The following SOX6 variants were observed in gnomAD, a reference collection of about 807,000 sequenced individuals.
SOX6 encodes SRY-box transcription factor 6.
SOX6 carries 11 observed loss-of-function variants against 97.8 expected under a neutral mutation model. The ratio of observed to expected loss-of-function variants is 0.11; its 90% CI spans 0.07 to 0.19. SOX6 has a LOEUF of 0.19. Among genes scored for constraint, SOX6 ranks in the 10% least tolerant of loss-of-function variants. The pLI is 1.00. For missense variants in SOX6, 810 were observed against 1,039.5 expected, an observed-to-expected ratio of 0.78 and a Z score of 3.04; for synonymous variants, 360 against 371.4, an observed-to-expected ratio of 0.97 and a Z score of 0.35.
At chr11:16,571,573 A>C (rs778044185) in intron 4 of SOX6, among the ~76,000 whole-genome samples, 4 of 152,088 alleles carry the variant, frequency 2.6e-5, no homozygotes, top group Non-Finnish European at 4.4e-5. Context: ...TGAAACTACA[A>C]GCATGCAACA....
chr11:16,032,378 A>G (rs970446527), intron 12 of SOX6, among the ~76,000 whole-genome samples: 1 of 152,302 alleles, frequency 6.6e-6, no homozygotes, highest in African/African-American at 2.4e-5. Context: ...GTGAACATCA[A>G]ATGTGATTTT....
chr11:16,058,092 A>G (rs1847863812), intron 9 of SOX6, among the ~76,000 whole-genome samples: 1 of 152,030 alleles, frequency 6.6e-6, no homozygotes, highest in African/African-American at 2.4e-5. Flanking sequence ...TTTGATAAAT[A>G]TTAGATTTCC....
intron 3 of SOX6, among the ~76,000 whole-genome samples, chr11:16,662,800 C>T (rs1057230465): frequency 6.6e-6 from 1 of 152,054 alleles, no homozygotes; most frequent in Non-Finnish European, 1.5e-5. Context: ...TTCAAGTGAT[C>T]CTCTCACCTC....
chr11:16,094,343 G>T (rs1848751323), intron 9 of SOX6, among the ~76,000 whole-genome samples: 1 of 151,842 alleles, frequency 6.6e-6, no homozygotes, highest in Non-Finnish European at 1.5e-5. Flanking sequence ...AAGCCGATCT[G>T]AGTGAAAAAT....
intron 9 of SOX6, among the ~76,000 whole-genome samples, chr11:16,086,574 C>T (rs994370909): frequency 2.6e-5 from 4 of 152,146 alleles, no homozygotes; most frequent in African/African-American, 9.7e-5. Flanking sequence ...ACCTGCTGAA[C>T]ATGCTCAGAG....
upstream of SOX6, among the ~76,000 whole-genome samples, chr11:16,477,622 G>A (rs115507841): frequency 8.5e-3 from 1,294 of 152,272 alleles, 21 homozygotes; most frequent in African/African-American, 0.028. Context: ...AGGCTGAGGC[G>A]AGTGGATTGC....
chr11:16,067,713 A>C (rs963604986), intron 9 of SOX6, among the ~76,000 whole-genome samples: 2 of 152,140 alleles, frequency 1.3e-5, no homozygotes, highest in African/African-American at 4.8e-5. Context: ...GAGAGGATGG[A>C]TACCCCACAT....
At chr11:16,193,892 G>A (rs1851698644) in intron 4 of SOX6, among the ~76,000 whole-genome samples, 1 of 152,100 alleles carries the variant, frequency 6.6e-6, no homozygotes, top group Admixed American at 6.6e-5. Context: ...CAGATAACCT[G>A]GGAAAACTGC....
At chr11:16,540,279 G>C (rs1258799207) in intron 4 of SOX6, among the ~76,000 whole-genome samples, 1 of 152,102 alleles carries the variant, frequency 6.6e-6, no homozygotes, top group Non-Finnish European at 1.5e-5. Context: ...AGCCCTTCAT[G>C]CTAAAAACTC....
At position 16,249,427 on chromosome 11, in the gene SOX6, A is replaced by T. The variant is rs546565198; in HGVS notation, c.446-14756T>A. ...AAGTTCCTTATCTCCATCTGAGCCC[A>T]CTTCAGCCTGGACTTCATTGTCCAT... On this transcript the variant is annotated intron_variant, in intron 3 of 15. Coordinates refer to ENST00000683767, the MANE Select transcript of SOX6 (RefSeq NM_001367873.1). Among the ~76,000 whole-genome samples the T allele has an allele frequency of 3.3e-5, 5 of 152,262 alleles. No individual in the cohort carries two copies. The East Asian group carries it at 7.7e-4, about 24-fold the overall frequency.
intron 13 of SOX6, among the ~76,000 whole-genome samples, chr11:16,004,042 A>G (rs1281719048): frequency 6.6e-6 from 1 of 151,744 alleles, no homozygotes; most frequent in East Asian, 1.9e-4. Context: ...ACACACATAT[A>G]TATGTGTGTA....
At chr11:16,696,280 A>G (rs1848053133) in intron 3 of SOX6, among the ~76,000 whole-genome samples, 2 of 152,206 alleles carry the variant, frequency 1.3e-5, no homozygotes, top group African/African-American at 4.8e-5. Flanking sequence ...TTCTTCCGCT[A>G]ATTAAGTCAT....
intron 6 of SOX6, among the ~76,000 whole-genome samples, chr11:16,114,024 G>A (rs929341613): frequency 6.6e-6 from 1 of 152,128 alleles, no homozygotes; most frequent in Non-Finnish European, 1.5e-5. Context: ...TAAAGAGATG[G>A]TATATATCCT....
intron 6 of SOX6, among the ~76,000 whole-genome samples, chr11:16,169,556 C>G (rs536341377): frequency 9.1e-5 from 10 of 110,308 alleles, no homozygotes; most frequent in South Asian, 3.4e-4. Flanking sequence ...TAACCTCTTA[C>G]ATATACCCCT....
intron 1 of SOX6, among the ~76,000 whole-genome samples, chr11:16,342,076 C>A (rs1171538186): frequency 1.3e-5 from 2 of 151,932 alleles, no homozygotes; most frequent in African/African-American, 2.4e-5. Context: ...ATATTTAAAA[C>A]CTCCAAATAC....
intron 15 of SOX6, among the ~76,000 whole-genome samples, chr11:15,977,985 C>A (rs1328836623): frequency 6.6e-6 from 1 of 152,072 alleles, no homozygotes; most frequent in African/African-American, 2.4e-5. Context: ...CTCTGCCTGC[C>A]TTTCCATATT....
chr11:16,169,677 T>C (rs907627135), intron 6 of SOX6, among the ~76,000 whole-genome samples: 1 of 152,100 alleles, frequency 6.6e-6, no homozygotes, highest in East Asian at 1.9e-4. Context: ...GCAATTACTG[T>C]CTAAAGAAAG....
intron 1 of SOX6, among the ~76,000 whole-genome samples, chr11:16,380,039 A>G (rs1369322137): frequency 6.6e-6 from 1 of 151,898 alleles, no homozygotes; most frequent in Non-Finnish European, 1.5e-5. Flanking sequence ...ATATATGCAT[A>G]TTAGATAGAT....
intron 3 of SOX6, among the ~76,000 whole-genome samples, chr11:16,702,919 CAT>C (rs1010824815): frequency 3.4e-5 from 5 of 148,332 alleles, no homozygotes; most frequent in South Asian, 2.1e-4. Context: ...TATAATTATT[CAT>C]ATATATATAT....
Sources: gnomAD v4.1 joint callset for allele counts (sites outside exome capture counted in the v4.1 genomes callset) on GRCh38, gnomAD v4.1.1 for gene constraint, MANE v1.5 for transcripts, NCBI Gene and HGNC (gene_info 2026-07-23, HGNC 2026-07-21) for gene names.